Variants in EIF4G3 observed in about 807,000 individuals in gnomAD.
EIF4G3 encodes eukaryotic translation initiation factor 4 gamma 3.
Under a neutral mutation model 186.4 loss-of-function variants are expected in EIF4G3, and 34 were observed. That is an observed-to-expected ratio of 0.18 (90% CI 0.14 to 0.24). EIF4G3 has a LOEUF of 0.24. Among genes scored for constraint, EIF4G3 ranks in the 10% least tolerant of loss-of-function variants. The probability of loss-of-function intolerance (pLI) is 1.00; values close to 1 mark genes in which losing one functional copy is unlikely to be tolerated. For synonymous variants in EIF4G3, 673 were observed against 679.5 expected, an observed-to-expected ratio of 0.99 and a Z score of 0.15; for missense variants, 1,536 against 1,948.5, an observed-to-expected ratio of 0.79 and a Z score of 3.99.
intron 4 of EIF4G3, among the ~76,000 whole-genome samples, chr1:21,028,839 T>G (rs931650585): frequency 1.3e-5 from 2 of 152,230 alleles, no homozygotes; most frequent in African/African-American, 4.8e-5. Context: ...AGCAGCTAAG[T>G]TGTAGCTATA....
chr1:21,031,249 T>C (rs1350477033), intron 4 of EIF4G3, among the ~76,000 whole-genome samples: 2 of 150,268 alleles, frequency 1.3e-5, no homozygotes, highest in African/African-American at 4.9e-5. Context: ...CAGGCAATGG[T>C]TGGACAGCAC....
At chr1:20,841,063 T>C in intron 29 of EIF4G3, 35 bp from the exon 30 acceptor site, 1 of 1,608,712 alleles carries the variant, frequency 6.2e-7, no homozygotes, top group Non-Finnish European at 8.5e-7. Context: ...TACTCCAAAA[T>C]CTGAATAGTG....
chr1:21,053,971 C>G (rs992824954), intron 3 of EIF4G3, among the ~76,000 whole-genome samples: 92 of 152,206 alleles, frequency 6.0e-4, no homozygotes, highest in South Asian at 1.7e-3. Context: ...GGGAGGTGTA[C>G]TCAACAGCTC....
chr1:20,976,864 C>T (rs1261174970), intron 10 of EIF4G3, among the ~76,000 whole-genome samples: 2 of 152,118 alleles, frequency 1.3e-5, no homozygotes, highest in Admixed American at 6.5e-5. Context: ...CGGTGAAACA[C>T]CATCTCTACT....
chr1:20,847,991 C>G (rs755495815), intron 29 of EIF4G3: 9 of 366,262 alleles, frequency 2.5e-5, no homozygotes, highest in Non-Finnish European at 4.2e-5. Flanking sequence ...TTGTTTGAGA[C>G]AGTCTCACTC....
chr1:21,145,212 C>CG (rs1406556438), intron 2 of EIF4G3, among the ~76,000 whole-genome samples: 34 of 152,206 alleles, frequency 2.2e-4, no homozygotes, highest in Admixed American at 1.5e-3. Context: ...TGTAAGGTAT[C>CG]ATCAACTCTC....
intron 7 of EIF4G3, among the ~76,000 whole-genome samples, chr1:20,997,030 C>A (rs2082434305): frequency 6.6e-6 from 1 of 151,488 alleles, no homozygotes. Flanking sequence ...TTTAAAAAAC[C>A]AATAGGATAA....
chr1:20,968,635 CCTAA>C (rs917609509), intron 12 of EIF4G3, among the ~76,000 whole-genome samples: 3 of 151,952 alleles, frequency 2.0e-5, no homozygotes, highest in African/African-American at 7.3e-5. Flanking sequence ...GAAAAAGGTG[CCTAA>C]CTGACAATTT....
At chr1:20,876,443 TAAAA>T (rs386366428) in intron 20 of EIF4G3, among the ~76,000 whole-genome samples, 4 of 80,886 alleles carry the variant, frequency 4.9e-5, no homozygotes, top group South Asian at 3.6e-4. Context: ...ATTTATTAAG[TAAAA>T]AAAAAAAAAA....
chr1:21,074,919 A>G (rs1456443844), intron 3 of EIF4G3, among the ~76,000 whole-genome samples: 1 of 152,190 alleles, frequency 6.6e-6, no homozygotes, highest in African/African-American at 2.4e-5. Context: ...TACAAAAAGT[A>G]AAGTATTCGC....
At chr1:21,115,800 G>A (rs1198492304) in intron 2 of EIF4G3, among the ~76,000 whole-genome samples, 3 of 152,134 alleles carry the variant, frequency 2.0e-5, no homozygotes, top group East Asian at 1.9e-4. Flanking sequence ...TATTGCACCC[G>A]TGAACTCCTG....
At chr1:20,914,376 A>G (rs1262268460) in intron 14 of EIF4G3, among the ~76,000 whole-genome samples, 1 of 152,132 alleles carries the variant, frequency 6.6e-6, no homozygotes, top group African/African-American at 2.4e-5. Context: ...AGAGGGAGGT[A>G]GGAGAAACAC....
chr1:20,946,256 G>A (rs1361885400), intron 13 of EIF4G3, among the ~76,000 whole-genome samples: 1 of 152,146 alleles, frequency 6.6e-6, no homozygotes, highest in Non-Finnish European at 1.5e-5. Flanking sequence ...AACACACTAG[G>A]TGCTTTCAAC....
chr1:20,915,339 A>T (rs562244526), intron 14 of EIF4G3, among the ~76,000 whole-genome samples: 9 of 152,264 alleles, frequency 5.9e-5, no homozygotes, highest in Non-Finnish European at 1.2e-4. Flanking sequence ...CAGAATATTG[A>T]AGGAGAAAAC....
At chr1:20,893,687 G>T in intron 17 of EIF4G3, 51 bp from the exon 18 acceptor site, 3 of 1,428,160 alleles carry the variant, frequency 2.1e-6, no homozygotes, top group Non-Finnish European at 2.8e-6. Context: ...AGCATTCCCT[G>T]CCACAAAAGA....
intron 3 of EIF4G3, among the ~76,000 whole-genome samples, chr1:21,074,020 A>G (rs922435629): frequency 2.6e-5 from 4 of 152,096 alleles, no homozygotes; most frequent in Admixed American, 2.0e-4. Context: ...ATGTTTTTCT[A>G]CCACCATCTA....
chr1:21,079,891 C>A (rs1179793645), intron 3 of EIF4G3, among the ~76,000 whole-genome samples: 1 of 151,156 alleles, frequency 6.6e-6, no homozygotes, highest in Admixed American at 6.6e-5. Context: ...GTGGCTCACT[C>A]CTGTAATCCC....
chr1:21,083,361 G>C (rs1325603020), intron 3 of EIF4G3, among the ~76,000 whole-genome samples: 1 of 151,406 alleles, frequency 6.6e-6, no homozygotes, highest in Admixed American at 6.6e-5. Flanking sequence ...TTTTTTTTTG[G>C]AGACAACGGT....
intron 7 of EIF4G3, among the ~76,000 whole-genome samples, chr1:20,989,389 C>G (rs1047534406): frequency 2.7e-5 from 4 of 150,690 alleles, no homozygotes; most frequent in African/African-American, 9.8e-5. Context: ...AACCCTATCT[C>G]TACTAAAAAT....
Sources: allele counts gnomAD v4.1 joint callset (sites outside exome capture counted in the v4.1 genomes callset), GRCh38; gene constraint gnomAD v4.1.1; transcripts MANE v1.5; gene names NCBI Gene and HGNC (gene_info 2026-07-23, HGNC 2026-07-21).